The following LARP4B variants were observed in gnomAD, a reference collection of about 807,000 sequenced individuals.
LARP4B encodes the protein La ribonucleoprotein 4B.
A neutral mutation model predicts 89.8 loss-of-function variants in LARP4B; 12 were observed. That is an observed-to-expected ratio of 0.13 (90% CI 0.09 to 0.22). The LOEUF is 0.22. Among genes scored for constraint, LARP4B ranks in the 10% least tolerant of loss-of-function variants. The pLI is 1.00. For synonymous variants in LARP4B, 367 were observed against 363.3 expected, an observed-to-expected ratio of 1.01 and a Z score of -0.12; for missense variants, 757 against 947.7, an observed-to-expected ratio of 0.80 and a Z score of 2.64.
chr10:837,822 C>T (rs1440306065), intron 7 of LARP4B, among the ~76,000 whole-genome samples: 2 of 152,064 alleles, frequency 1.3e-5, no homozygotes, highest in Non-Finnish European at 2.9e-5. Context: ...TAACCTTGGA[C>T]CAAGCAAAGA....
At chr10:838,626 G>T (rs1403656596) in intron 7 of LARP4B, among the ~76,000 whole-genome samples, 1 of 152,176 alleles carries the variant, frequency 6.6e-6, no homozygotes, top group Non-Finnish European at 1.5e-5. Flanking sequence ...TGCTGCCGAG[G>T]ATGTGGAGCA....
intron 8 of LARP4B, among the ~76,000 whole-genome samples, chr10:831,345 A>G (rs1186723176): frequency 1.3e-5 from 2 of 149,364 alleles, no homozygotes; most frequent in East Asian, 3.9e-4. Flanking sequence ...GCTTCTGGCC[A>G]TGATGGACTA....
At chr10:974,547 C>T in the LARP4B span, among the ~76,000 whole-genome samples, 626 of 152,206 alleles carry the variant, frequency 4.1e-3, 14 homozygotes, top group East Asian at 0.06. Context: ...GCCTTGCTCT[C>T]GGGACTAGAA....
intron 1 of LARP4B, among the ~76,000 whole-genome samples, chr10:890,292 C>T (rs1835976871): frequency 6.6e-6 from 1 of 152,204 alleles, no homozygotes; most frequent in Middle Eastern, 3.4e-3. Flanking sequence ...ATTGTGTAAA[C>T]TGTATCATCA....
intron 5 of LARP4B, among the ~76,000 whole-genome samples, chr10:847,280 G>C (rs1225502580): frequency 3.9e-5 from 6 of 152,166 alleles, no homozygotes; most frequent in African/African-American, 1.4e-4. Context: ...ACTGCAGACA[G>C]AGGACACTGA....
At chr10:934,489 CA>C (rs1411119720), upstream of LARP4B, among the ~76,000 whole-genome samples, 2 of 151,542 alleles carry the variant, frequency 1.3e-5, no homozygotes, top group Non-Finnish European at 2.9e-5. Flanking sequence ...GACCCTGTCT[CA>C]AAAAAAGAAA....
upstream of LARP4B, among the ~76,000 whole-genome samples, chr10:935,072 C>G (rs2282418): frequency 4.4e-3 from 676 of 152,320 alleles, 20 homozygotes; most frequent in East Asian, 0.077. Context: ...AGCCCAGCCC[C>G]CTGTGTTTCC....
intron 3 of LARP4B, among the ~76,000 whole-genome samples, chr10:881,902 G>A (rs1835681860): frequency 6.6e-6 from 1 of 152,182 alleles, no homozygotes; most frequent in South Asian, 2.1e-4. Context: ...AAATGTCTTA[G>A]CCATCATGAT....
At chr10:973,616 GC>G in the LARP4B span, among the ~76,000 whole-genome samples, 1 of 152,124 alleles carries the variant, frequency 6.6e-6, no homozygotes, top group African/African-American at 2.4e-5. Flanking sequence ...CTCCCAAAGT[GC>G]TGGGATTACA....
chr10:864,296 T>G, intron 3 of LARP4B, 26 bp from the exon 4 acceptor site: 1 of 1,613,162 alleles, frequency 6.2e-7, no homozygotes, highest in East Asian at 2.2e-5. Flanking sequence ...AGATAGACAT[T>G]TGTATCCAAA....
At chr10:960,754 C>T in the LARP4B span, among the ~76,000 whole-genome samples, 4 of 144,148 alleles carry the variant, frequency 2.8e-5, no homozygotes, top group African/African-American at 1.0e-4. Flanking sequence ...AAGAGAGGGT[C>T]ATTACCAAAT....
At chr10:892,819 G>A (rs1836071699) in intron 1 of LARP4B, among the ~76,000 whole-genome samples, 1 of 151,756 alleles carries the variant, frequency 6.6e-6, no homozygotes, top group African/African-American at 2.4e-5. Context: ...GATTACAGGC[G>A]TGAGCCACCG....
At chr10:860,642 C>T (rs1241152675) in intron 5 of LARP4B, among the ~76,000 whole-genome samples, 2 of 152,100 alleles carry the variant, frequency 1.3e-5, no homozygotes, top group Admixed American at 6.6e-5. Context: ...GAATACTTCT[C>T]AGCAATAAAA....
the LARP4B span, chr10:986,621 G>A: frequency 6.6e-6 from 1 of 152,210 alleles, no homozygotes; most frequent in Non-Finnish European, 1.5e-5. Context: ...AGTCATTATG[G>A]TTGTGCATTC....
intron 5 of LARP4B, among the ~76,000 whole-genome samples, chr10:851,795 T>C (rs1055671051): frequency 6.6e-6 from 1 of 152,100 alleles, no homozygotes; most frequent in African/African-American, 2.4e-5. Flanking sequence ...TGGGACGCAG[T>C]GGCTCATGCT....
intron 5 of LARP4B, among the ~76,000 whole-genome samples, chr10:849,135 G>A (rs1409097554): frequency 6.6e-6 from 1 of 152,014 alleles, no homozygotes; most frequent in African/African-American, 2.4e-5. Context: ...TTAAAACAGC[G>A]AAACAAAGAA....
chr10:830,600 C>T (rs188402084), intron 9 of LARP4B, among the ~76,000 whole-genome samples: 160 of 152,302 alleles, frequency 1.1e-3, no homozygotes, highest in African/African-American at 3.6e-3. Flanking sequence ...AACTTCTCTG[C>T]CCAGATAGAA....
chr10:842,884 A>T (rs1448921776), intron 7 of LARP4B, 48 bp downstream of exon 7: 3 of 1,557,930 alleles, frequency 1.9e-6, no homozygotes, highest in Non-Finnish European at 2.6e-6. Flanking sequence ...CTGATAAGAC[A>T]AATACTCTAA....
chr10:840,779 T>C (rs1199286434), intron 7 of LARP4B, among the ~76,000 whole-genome samples: 3 of 152,188 alleles, frequency 2.0e-5, no homozygotes, highest in Non-Finnish European at 4.4e-5. Flanking sequence ...GTTTAATTTG[T>C]AAAAAGATAA....
Sources: allele counts gnomAD v4.1 joint callset (sites outside exome capture counted in the v4.1 genomes callset), GRCh38; gene constraint gnomAD v4.1.1; transcripts MANE v1.5; gene names NCBI Gene and HGNC (gene_info 2026-07-23, HGNC 2026-07-21).